The following SRGAP1 variants were observed in gnomAD, a reference collection of about 807,000 sequenced individuals.
SRGAP1 encodes SLIT-ROBO Rho GTPase activating protein 1, also known as SLIT-ROBO Rho GTPase-activating protein 1.
In SRGAP1, 43 loss-of-function variants were observed where a neutral mutation model predicts 121.9. That is an observed-to-expected ratio of 0.35 (90% CI 0.28 to 0.46). The LOEUF (loss-of-function observed/expected upper bound fraction) is 0.46. Ranked by LOEUF, SRGAP1 falls within the 20% of genes least tolerant of loss-of-function variation. SRGAP1 has a pLI of 1.00. For synonymous variants in SRGAP1, 447 were observed against 485.4 expected (o/e 0.92, Z 1.04); for missense variants, 1,102 against 1,350.9 (o/e 0.82, Z 2.89).
intron 1 of SRGAP1, among the ~76,000 whole-genome samples, chr12:63,856,354 A>G (rs1291398596): frequency 2.0e-5 from 3 of 152,154 alleles, no homozygotes; most frequent in Admixed American, 2.0e-4. Flanking sequence ...TGTATCAATT[A>G]TTTATATTTG....
intron 6 of SRGAP1, among the ~76,000 whole-genome samples, chr12:64,050,520 A>C (rs2035218212): frequency 6.6e-6 from 1 of 152,108 alleles, no homozygotes. Context: ...GAGCATTCTA[A>C]CCTGCTTTTT....
At chr12:64,005,689 C>G (rs2034058521) in intron 3 of SRGAP1, among the ~76,000 whole-genome samples, 1 of 151,586 alleles carries the variant, frequency 6.6e-6, no homozygotes, top group Admixed American at 6.6e-5. Flanking sequence ...CTCTTTAGCT[C>G]TAAAGATGGA....
At chr12:64,077,081 C>G (rs891756353) in intron 8 of SRGAP1, among the ~76,000 whole-genome samples, 1 of 152,028 alleles carries the variant, frequency 6.6e-6, no homozygotes, top group African/African-American at 2.4e-5. Flanking sequence ...AAATCCTTAC[C>G]TAGATATATT....
At chr12:63,991,046 T>C (rs2033545402) in intron 3 of SRGAP1, among the ~76,000 whole-genome samples, 1 of 152,218 alleles carries the variant, frequency 6.6e-6, no homozygotes, top group African/African-American at 2.4e-5. Flanking sequence ...TTTTTTGTTG[T>C]GTGGACATTT....
intron 21 of SRGAP1, among the ~76,000 whole-genome samples, chr12:64,135,237 C>A (rs1016843730): frequency 5.3e-5 from 8 of 152,226 alleles, no homozygotes; most frequent in African/African-American, 1.9e-4. Flanking sequence ...GGGTCCCATT[C>A]TTTTCTAATC....
At chr12:63,868,490 C>T (rs142958327) in intron 1 of SRGAP1, among the ~76,000 whole-genome samples, 1,545 of 152,256 alleles carry the variant, frequency 0.01, 25 homozygotes, top group African/African-American at 0.034. Context: ...ATCCTCCCAC[C>T]TCAGCCTCCG....
At chr12:64,036,132 G>C (rs140916070) in intron 4 of SRGAP1, among the ~76,000 whole-genome samples, 10 of 152,316 alleles carry the variant, frequency 6.6e-5, no homozygotes, top group Non-Finnish European at 8.8e-5. Context: ...CAGATGTAAA[G>C]ATCATGGCAC....
chr12:64,142,685 C>CA lies in SRGAP1; in HGVS notation c.*15dup. ...ATGCACAATGTAAAAACCAGCCAAG[C>CA]AAGGCCATAAAGGGAGGTGACTTAA... is the stretch of plus-strand genomic sequence containing the variant. On this transcript the variant is annotated 3_prime_UTR_variant, in exon 22 of 22. Transcript: ENST00000355086. The CA allele has an allele frequency of 6.3e-7, 1 of 1,597,386 alleles. No homozygotes were observed. Among genetic ancestry groups the CA allele is most frequent in the Non-Finnish European group, 8.6e-7 (1 of 1,168,840 alleles).
chr12:63,902,001 C>G (rs2029953794), intron 1 of SRGAP1, among the ~76,000 whole-genome samples: 1 of 152,136 alleles, frequency 6.6e-6, no homozygotes, highest in Admixed American at 6.5e-5. Flanking sequence ...ATAGTACTTG[C>G]AAAATCAAGA....
At chr12:63,885,593 T>C (rs906717891) in intron 1 of SRGAP1, among the ~76,000 whole-genome samples, 1 of 152,232 alleles carries the variant, frequency 6.6e-6, no homozygotes, top group Non-Finnish European at 1.5e-5. Context: ...TTTAAATTCT[T>C]CTTGGCCTCT....
intron 8 of SRGAP1, among the ~76,000 whole-genome samples, chr12:64,067,660 G>A (rs1324837968): frequency 6.6e-6 from 1 of 151,994 alleles, no homozygotes; most frequent in African/African-American, 2.4e-5. Context: ...TAAAAATAGA[G>A]GGAAGAAAAG....
chr12:63,845,321 T>C (rs1898867764), intron 1 of SRGAP1, among the ~76,000 whole-genome samples: 1 of 152,212 alleles, frequency 6.6e-6, no homozygotes, highest in Non-Finnish European at 1.5e-5. Flanking sequence ...GTCTACAGCC[T>C]CATTGAGTGC....
At chr12:63,885,009 C>T (rs1024728077) in intron 1 of SRGAP1, among the ~76,000 whole-genome samples, 2 of 151,950 alleles carry the variant, frequency 1.3e-5, no homozygotes, top group South Asian at 2.1e-4. Flanking sequence ...CGTGAGCCAC[C>T]GCACCCACCA....
rs1413278846 is a variant in SRGAP1, at chr12:64,147,504, T to C, written c.*4832T>C. 2.5e-6 allele frequency: 1 copy of C among 398,636 alleles called. No individual in the cohort carries two copies. The highest frequency in any genetic ancestry group is 3.6e-5 in the East Asian group (1 of 28,078). 24.7% of individuals were successfully genotyped at this position (398,636 alleles called of 1,614,324 possible). ...CCTCCCTGTCGGTCCTCAGACTGTC[T>C]CGTTTTCCTTGTAGACGTGATTGTG... On this transcript the variant is annotated 3_prime_UTR_variant, in exon 22 of 22. Transcript: ENST00000355086.
intron 1 of SRGAP1, among the ~76,000 whole-genome samples, chr12:63,882,234 C>T (rs1297356979): frequency 6.6e-6 from 1 of 151,998 alleles, no homozygotes; most frequent in Non-Finnish European, 1.5e-5. Context: ...CTCTTTTTCC[C>T]TTTACTATCC....
intron 9 of SRGAP1, among the ~76,000 whole-genome samples, chr12:64,079,593 A>T (rs2035800252): frequency 6.6e-6 from 1 of 151,852 alleles, no homozygotes; most frequent in Non-Finnish European, 1.5e-5. Context: ...GGCTGAGGTG[A>T]GAGGATCGCC....
In SRGAP1 at chr12:64,011,785, A is replaced by G. The variant is rs999406573; in HGVS notation, c.427-5165A>G. 4.6e-5 allele frequency among the ~76,000 whole-genome samples: 7 copies of G among 152,206 alleles called. No individual in the cohort carries two copies. The East Asian group carries it at 1.3e-3, about 29-fold the overall frequency. ...CTTAAAAAAATAGGAAAATATACTT[A>G]GACCTATGTTTAAATAAACTTGAAG... is the stretch of plus-strand genomic sequence containing the variant. On this transcript the variant is annotated intron_variant, in intron 3 of 21. Coordinates refer to ENST00000355086, the MANE Select transcript of SRGAP1 (RefSeq NM_020762.4).
In SRGAP1 at chr12:64,032,403, C is replaced by T. The variant is rs1205082502; in HGVS notation, c.490-10387C>T. ...ATTTTTTTACAAATAGTTAAAAACT[C>T]TGCCTCATCAGTCAGATCTCTGGGC... On this transcript the variant is annotated intron_variant, in intron 4 of 21. Coordinates refer to ENST00000355086, the MANE Select transcript of SRGAP1 (RefSeq NM_020762.4). 5.3e-6 allele frequency: 3 copies of T among 568,168 alleles called. No homozygotes were observed. The Admixed American group carries it at 8.6e-5, about 16-fold the overall frequency. The allele number at this position is 568,168 out of a possible 1,614,324, so 35.2% of individuals were successfully genotyped here. A position where few individuals can be genotyped will look rare whatever the true frequency, so the allele number is the denominator to read the frequency against.
Position 64,092,194 on chromosome 12 carries a change from A to G in SRGAP1, c.1539+816A>G, listed in dbSNP as rs73321308. On this transcript the variant is annotated intron_variant, in intron 12 of 21. Coordinates refer to ENST00000355086, the MANE Select transcript of SRGAP1 (RefSeq NM_020762.4). ...TCAAGGGCTTTATTAGGGAAAGTCA[A>G]TGTTAAATACCAAATACACATTTAA... is the stretch of plus-strand genomic sequence containing the variant. 9.7e-3 allele frequency among the ~76,000 whole-genome samples: 1,484 copies of G among 152,296 alleles called. 29 individuals carry two copies. The highest frequency in any genetic ancestry group is 0.034 in the African/African-American group (1,401 of 41,554).
Sources: gnomAD v4.1 joint callset for allele counts (sites outside exome capture counted in the v4.1 genomes callset) on GRCh38, gnomAD v4.1.1 for gene constraint, MANE v1.5 for transcripts, NCBI Gene and HGNC (gene_info 2026-07-23, HGNC 2026-07-21) for gene names.